Variants in LARP4 observed in about 807,000 individuals in gnomAD.
The protein encoded by LARP4 is la-related protein 4.
Under a neutral mutation model 92.9 loss-of-function variants are expected in LARP4, and 29 were observed. The observed-to-expected ratio is 0.31, with a 90% CI of 0.23 to 0.43. LARP4 has a LOEUF of 0.43. Ranked by LOEUF, LARP4 falls within the 20% of genes least tolerant of loss-of-function variation. The pLI, the probability that LARP4 is intolerant of heterozygous loss-of-function variation, is 1.00. For synonymous variants in LARP4, 279 were observed against 284.1 expected (o/e 0.98, Z 0.18); for missense variants, 732 against 860.0 (o/e 0.85, Z 1.86).
chr12:50,431,544 T>C (rs117954714), intron 4 of LARP4, among the ~76,000 whole-genome samples: 1,887 of 152,244 alleles, frequency 0.012, 26 homozygotes, highest in Non-Finnish European at 0.02. Context: ...GGAGAAGTCT[T>C]ATTTACAGAT....
At chr12:50,422,124 C>A (rs147442606) in intron 1 of LARP4, among the ~76,000 whole-genome samples, 2 of 152,168 alleles carry the variant, frequency 1.3e-5, no homozygotes, top group African/African-American at 4.8e-5. Context: ...CATCCACCCC[C>A]ACGACTGGCT....
chr12:50,419,342 G>T (rs1947357248), intron 1 of LARP4, among the ~76,000 whole-genome samples: 1 of 152,118 alleles, frequency 6.6e-6, no homozygotes, highest in Non-Finnish European at 1.5e-5. Flanking sequence ...TTCAGCCTGG[G>T]CAACAGAGTG....
chr12:50,417,449 G>A (rs973921900), intron 1 of LARP4, among the ~76,000 whole-genome samples: 4 of 152,032 alleles, frequency 2.6e-5, no homozygotes, highest in Non-Finnish European at 5.9e-5. Context: ...CTCCTGGTGG[G>A]GCTGTTTGAA....
chr12:50,456,599 TAGAG>T (rs1043646175), intron 10 of LARP4, among the ~76,000 whole-genome samples: 5 of 152,306 alleles, frequency 3.3e-5, no homozygotes, highest in South Asian at 2.1e-4. Flanking sequence ...TATTCCTACT[TAGAG>T]AGAATAGGAC....
intron 8 of LARP4, among the ~76,000 whole-genome samples, chr12:50,450,640 A>G (rs1233850895): frequency 6.6e-6 from 1 of 152,164 alleles, no homozygotes; most frequent in Admixed American, 6.6e-5. Flanking sequence ...CTGGGATTAC[A>G]GGTGTGCACC....
intron 1 of LARP4, among the ~76,000 whole-genome samples, chr12:50,411,537 C>T (rs1945897379): frequency 6.6e-6 from 1 of 151,898 alleles, no homozygotes; most frequent in African/African-American, 2.4e-5. Context: ...CCATGTTGGC[C>T]AGGCTGGTTT....
At chr12:50,408,668 T>C (rs1238001031) in intron 1 of LARP4, among the ~76,000 whole-genome samples, 1 of 152,154 alleles carries the variant, frequency 6.6e-6, no homozygotes, top group East Asian at 1.9e-4. Flanking sequence ...CATACAAATA[T>C]TTTCTGTGAC....
rs182777835 is a variant in LARP4, at chr12:50,471,215, G to A, written c.1546-2200G>A. On this transcript the variant is annotated intron_variant, in intron 13 of 15. Coordinates refer to ENST00000398473, the MANE Select transcript of LARP4 (RefSeq NM_052879.5). ...CAAAACAAGTTGAAGGCTGGATTTG[G>A]CCTTGCGGGTCTTAGTTTACCAACC... Among the ~76,000 whole-genome samples, 127 of 152,304 alleles carry A rather than the reference G, an allele frequency of 8.3e-4. 3 individuals are homozygous for A. In the Middle Eastern group the frequency reaches 0.024, roughly 29 times the overall value.
rs756853745 is a variant in LARP4 at position 50,461,103 on chromosome 12, G to A, written c.1122-32G>A. ...AGATGTTTTTCTGTCTCGATTTACT[G>A]CTTTGTGTATATCATTTTGTATTTC... On this transcript the variant is annotated intron_variant, in intron 10 of 15. Transcript: ENST00000398473. The A allele has an allele frequency of 1.5e-5, 24 of 1,558,296 alleles. No individual in the cohort carries two copies. The South Asian group carries it at 2.7e-4, about 17-fold the overall frequency.
chr12:50,435,762 C>CT, intron 5 of LARP4, 138 bp downstream of exon 5: 4 of 622,450 alleles, frequency 6.4e-6, no homozygotes, highest in African/African-American at 1.9e-5. Flanking sequence ...AATTCTCTCT[C>CT]TTTGTTTTTT....
At chr12:50,426,723 GTGTGTGTGGT>G (rs1326184175) in intron 1 of LARP4, among the ~76,000 whole-genome samples, 17 of 121,446 alleles carry the variant, frequency 1.4e-4, no homozygotes, top group African/African-American at 4.0e-4. Flanking sequence ...GTGTGTGTGT[GTGTGTGTGGT>G]TTTTTTTTTT....
Position 50,478,528 on chromosome 12 carries a change from T to A in LARP4, c.*2664T>A, listed in dbSNP as rs1957687200. On this transcript the variant is annotated 3_prime_UTR_variant, in exon 16 of 16. Coordinates refer to ENST00000398473, the MANE Select transcript of LARP4 (RefSeq NM_052879.5). Reference sequence around the variant, plus strand: ...TATTTGGTTCTTTAGATGGAGGAATTTAAAAAATCAAATTTTTCTCTTCAC... The same window carrying A: ...TATTTGGTTCTTTAGATGGAGGAATATAAAAAATCAAATTTTTCTCTTCAC... The A allele has an allele frequency of 6.6e-6, 1 of 152,092 alleles. No individual in the cohort carries two copies. 9.4% of individuals were successfully genotyped at this position (152,092 alleles called of 1,614,324 possible). A position where few individuals can be genotyped will look rare whatever the true frequency, so the allele number is the denominator to read the frequency against.
intron 1 of LARP4, chr12:50,401,386 G>T (rs1026181615): frequency 1.0e-4 from 24 of 240,212 alleles, no homozygotes; most frequent in African/African-American, 5.4e-4. Context: ...TAATCAGGTG[G>T]GCGCGTTCCG....
intron 1 of LARP4, among the ~76,000 whole-genome samples, chr12:50,423,171 T>C (rs758118720): frequency 1.3e-5 from 2 of 152,154 alleles, no homozygotes; most frequent in South Asian, 2.1e-4. Flanking sequence ...AATAGTACTT[T>C]ATTTTCCTAT....
intron 1 of LARP4, among the ~76,000 whole-genome samples, chr12:50,409,920 G>A (rs1231904737): frequency 6.6e-6 from 1 of 151,610 alleles, no homozygotes; most frequent in African/African-American, 2.4e-5. Context: ...AGCCTCCTGA[G>A]TAGCTGAGAT....
chr12:50,462,555 C>A, intron 11 of LARP4, 27 bp from the exon 12 acceptor site: 2 of 1,338,994 alleles, frequency 1.5e-6, no homozygotes, highest in Non-Finnish European at 2.1e-6. Context: ...CCACCCCACC[C>A]CACCCCCACC....
chr12:50,461,042 C>G, intron 10 of LARP4, 93 bp from the exon 11 acceptor site: 1 of 930,642 alleles, frequency 1.1e-6, no homozygotes, highest in South Asian at 1.4e-5. Flanking sequence ...TTTTGAAAAC[C>G]CCAGTACAAC....
intron 8 of LARP4, 136 bp from the exon 9 acceptor site, chr12:50,453,324 C>T: frequency 3.8e-6 from 2 of 529,610 alleles, no homozygotes; most frequent in Admixed American, 3.2e-5. Flanking sequence ...CTGTCATTTT[C>T]TTTTCTTTTG....
chr12:50,474,223 T>C (rs1303497762), intron 15 of LARP4, 56 bp downstream of exon 15: 1 of 1,414,320 alleles, frequency 7.1e-7, no homozygotes, highest in East Asian at 2.3e-5. Context: ...AGATTTTTTT[T>C]TTTTTTTCAC....
Sources: gnomAD v4.1 joint callset for allele counts (sites outside exome capture counted in the v4.1 genomes callset) on GRCh38, gnomAD v4.1.1 for gene constraint, MANE v1.5 for transcripts, NCBI Gene and HGNC (gene_info 2026-07-23, HGNC 2026-07-21) for gene names.